AFG2A: variants seen among roughly 807,000 people sequenced by gnomAD.
The protein encoded by AFG2A is AAA ATPase AFG2A, also known as ATPase family gene 2 protein homolog A.
chr4:123,161,717 G>A, the AFG2A span, among the ~76,000 whole-genome samples: 85,503 of 151,990 alleles, frequency 0.56, 27,027 homozygotes, highest in Non-Finnish European at 0.7. Flanking sequence ...TTTTACAAAG[G>A]TTAATCCCTG....
chr4:122,988,630 C>T, the AFG2A span, among the ~76,000 whole-genome samples: 124,446 of 151,864 alleles, frequency 0.82, 52,474 homozygotes, highest in East Asian at 0.96. Context: ...TTCCTGACCT[C>T]GTGATCCACC....
the AFG2A span, among the ~76,000 whole-genome samples, chr4:123,119,884 G>A: frequency 2.0e-5 from 3 of 152,068 alleles, no homozygotes; most frequent in Admixed American, 6.6e-5. Context: ...CAATCATGGC[G>A]GAAGGCACCT....
the AFG2A span, among the ~76,000 whole-genome samples, chr4:123,000,734 A>G: frequency 6.9e-5 from 6 of 86,984 alleles, no homozygotes; most frequent in African/African-American, 1.9e-4. Context: ...TTTTGCATCA[A>G]TGTTCATCAA....
At chr4:122,996,511 G>T in the AFG2A span, among the ~76,000 whole-genome samples, 1 of 152,036 alleles carries the variant, frequency 6.6e-6, no homozygotes, top group Admixed American at 6.6e-5. Context: ...ATAGATGGGT[G>T]GATGGATGGA....
chr4:122,963,904 G>A, the AFG2A span, among the ~76,000 whole-genome samples: 5 of 152,092 alleles, frequency 3.3e-5, no homozygotes, highest in African/African-American at 1.2e-4. Flanking sequence ...CCTGTCTCCA[G>A]TAAAAACCAA....
chr4:123,294,557 G>A, the AFG2A span, among the ~76,000 whole-genome samples: 2 of 152,112 alleles, frequency 1.3e-5, no homozygotes, highest in East Asian at 3.9e-4. Flanking sequence ...ATGGTATGGG[G>A]CAAAGAAAAA....
At chr4:123,057,386 C>G in the AFG2A span, 1 of 1,291,452 alleles carries the variant, frequency 7.7e-7, no homozygotes, top group Non-Finnish European at 1.1e-6. Context: ...CAACTTTTAT[C>G]TATTAATACA....
At chr4:122,940,347 C>A in the AFG2A span, among the ~76,000 whole-genome samples, 1 of 152,124 alleles carries the variant, frequency 6.6e-6, no homozygotes, top group South Asian at 2.1e-4. Flanking sequence ...GATGGTATCT[C>A]ATTGTGGTTT....
chr4:123,027,462 G>C, the AFG2A span, among the ~76,000 whole-genome samples: 1 of 151,918 alleles, frequency 6.6e-6, no homozygotes, highest in African/African-American at 2.4e-5. Context: ...TGGCTTTTAC[G>C]TTTGTCTTCC....
chr4:122,957,234 C>A, the AFG2A span, among the ~76,000 whole-genome samples: 1 of 152,218 alleles, frequency 6.6e-6, no homozygotes. Context: ...TCTTTTGTAT[C>A]TGTGTGAATG....
chr4:123,071,353 G>A, the AFG2A span, among the ~76,000 whole-genome samples: 399 of 152,250 alleles, frequency 2.6e-3, 7 homozygotes, highest in African/African-American at 9.2e-3. Flanking sequence ...GGTGGCGCAT[G>A]CCTGTAATCC....
the AFG2A span, among the ~76,000 whole-genome samples, chr4:123,026,866 C>T: frequency 6.6e-6 from 1 of 152,184 alleles, no homozygotes; most frequent in Non-Finnish European, 1.5e-5. Context: ...TCCCAGTTGA[C>T]ACCTTATGCA....
chr4:123,185,106 C>T, the AFG2A span, among the ~76,000 whole-genome samples: 1 of 152,038 alleles, frequency 6.6e-6, no homozygotes, highest in Non-Finnish European at 1.5e-5. Context: ...GCTCACTCAC[C>T]CCTTCCCAGA....
At chr4:123,061,125 TTC>T in the AFG2A span, among the ~76,000 whole-genome samples, 1 of 152,186 alleles carries the variant, frequency 6.6e-6, no homozygotes, top group African/African-American at 2.4e-5. Context: ...CTCTAGGAAG[TTC>T]CAAATTTTCC....
the AFG2A span, among the ~76,000 whole-genome samples, chr4:123,308,480 G>A: frequency 6.6e-6 from 1 of 152,162 alleles, no homozygotes; most frequent in Non-Finnish European, 1.5e-5. Flanking sequence ...CCTCCTGTCA[G>A]ATCAGCGGCG....
At chr4:123,068,237 C>T in the AFG2A span, among the ~76,000 whole-genome samples, 1 of 151,978 alleles carries the variant, frequency 6.6e-6, no homozygotes, top group Non-Finnish European at 1.5e-5. Context: ...TTTTTGTTTC[C>T]TACTGAAGCT....
chr4:122,926,810 CTATT>C, the AFG2A span, among the ~76,000 whole-genome samples: 1 of 152,098 alleles, frequency 6.6e-6, no homozygotes, highest in African/African-American at 2.4e-5. Context: ...CATTTTATGG[CTATT>C]TATTGTGCAA....
At chr4:123,057,903 G>T in the AFG2A span, among the ~76,000 whole-genome samples, 1 of 151,918 alleles carries the variant, frequency 6.6e-6, no homozygotes, top group Admixed American at 6.6e-5. Context: ...TCTACAAGTG[G>T]TTCATGTTGG....
the AFG2A span, among the ~76,000 whole-genome samples, chr4:123,176,926 G>A: frequency 6.6e-6 from 1 of 152,140 alleles, no homozygotes; most frequent in African/African-American, 2.4e-5. Flanking sequence ...GGAATGAGCT[G>A]TTGTAATGAT....
Sources: gnomAD v4.1 joint callset for allele counts (sites outside exome capture counted in the v4.1 genomes callset) on GRCh38, gnomAD v4.1.1 for gene constraint, MANE v1.5 for transcripts, NCBI Gene and HGNC (gene_info 2026-07-23, HGNC 2026-07-21) for gene names.